NECAB1: variants seen among roughly 807,000 people sequenced by gnomAD.
NECAB1 encodes N-terminal EF-hand calcium-binding protein 1.
A neutral mutation model predicts 57.5 loss-of-function variants in NECAB1; 29 were observed. The observed-to-expected ratio is 0.50, with a 90% confidence interval of 0.38 to 0.69. NECAB1 has a LOEUF of 0.69. Among genes scored for constraint, NECAB1 ranks in the 30% least tolerant of loss-of-function variants. The pLI, the probability that NECAB1 is intolerant of heterozygous loss-of-function variation, is 0.00. For missense variants in NECAB1, 372 were observed against 413.8 expected, an observed-to-expected ratio of 0.90 and a Z score of 0.88; for synonymous variants, 142 against 147.7, an observed-to-expected ratio of 0.96 and a Z score of 0.28.
intron 5 of NECAB1, among the ~76,000 whole-genome samples, chr8:90,894,147 A>C (rs1322597470): frequency 6.6e-6 from 1 of 152,196 alleles, no homozygotes; most frequent in Non-Finnish European, 1.5e-5. Flanking sequence ...AAGTGGACAA[A>C]TAACATATTT....
chr8:90,804,588 A>G (rs532688974), intron 2 of NECAB1, among the ~76,000 whole-genome samples: 3 of 152,282 alleles, frequency 2.0e-5, no homozygotes, highest in South Asian at 2.1e-4. Flanking sequence ...TCCACATTGT[A>G]TTCAAAAATC....
chr8:90,804,582 C>T (rs1028895871), intron 2 of NECAB1, among the ~76,000 whole-genome samples: 1 of 151,896 alleles, frequency 6.6e-6, no homozygotes, highest in Non-Finnish European at 1.5e-5. Flanking sequence ...AATCTTTCCA[C>T]ATTGTATTCA....
chr8:90,912,613 A>G (rs976816783), intron 5 of NECAB1, among the ~76,000 whole-genome samples: 1 of 152,108 alleles, frequency 6.6e-6, no homozygotes, highest in Admixed American at 6.5e-5. Flanking sequence ...TTGCCATCTA[A>G]GGTTTGCAAA....
chr8:90,884,940 C>T (rs1264297179), intron 5 of NECAB1, among the ~76,000 whole-genome samples: 3 of 152,144 alleles, frequency 2.0e-5, no homozygotes, highest in African/African-American at 7.2e-5. Flanking sequence ...AAGGGGAACT[C>T]AATGCCTCTG....
At chr8:90,815,375 G>C (rs193274835) in intron 2 of NECAB1, among the ~76,000 whole-genome samples, 1 of 152,056 alleles carries the variant, frequency 6.6e-6, no homozygotes, top group East Asian at 1.9e-4. Context: ...ATTCTATCCT[G>C]AGATTCCCTG....
intron 3 of NECAB1, among the ~76,000 whole-genome samples, chr8:90,861,902 T>A (rs1373542132): frequency 6.6e-6 from 1 of 152,124 alleles, no homozygotes; most frequent in African/African-American, 2.4e-5. Context: ...TGAAACATGA[T>A]AGTAATACCT....
intron 5 of NECAB1, among the ~76,000 whole-genome samples, chr8:90,906,215 C>A (rs1809642069): frequency 6.6e-6 from 1 of 152,160 alleles, no homozygotes; most frequent in Non-Finnish European, 1.5e-5. Flanking sequence ...GTGAGTTAAT[C>A]TCTCAGTTTT....
At chr8:90,904,265 CAA>C (rs5893144) in intron 5 of NECAB1, among the ~76,000 whole-genome samples, 6 of 147,306 alleles carry the variant, frequency 4.1e-5, no homozygotes, top group Admixed American at 6.7e-5. Flanking sequence ...GTACTGAAAG[CAA>C]AAAAAAAAAT....
Position 90,940,815 on chromosome 8 carries a change from T to G in NECAB1, c.777T>G (p.Ser259=), listed in dbSNP as rs1452886154. 1.3e-6 allele frequency: 2 copies of G among 1,563,094 alleles called. No individual in the cohort carries two copies. Among genetic ancestry groups the G allele is most frequent in the Admixed American group, 1.9e-5 (1 of 52,516 alleles). The part of the protein sequence containing the change: ...SHIMLVQRQM[S]VIEEDLEEFQ... ...TCATGCTTGTGCAGCGGCAGATGTCTGTGATAGAAGAGGACCTGGAAGAAT... is the reference window on the plus strand; with the variant it reads ...TCATGCTTGTGCAGCGGCAGATGTCGGTGATAGAAGAGGACCTGGAAGAAT... The change falls in exon 10 of 13, where the codon TCT becomes TCG. Residue 259 remains serine (S), a synonymous_variant. Coordinates refer to ENST00000417640, the MANE Select transcript of NECAB1 (RefSeq NM_022351.5).
Position 90,956,943 on chromosome 8 carries a change from C to CGAGT in NECAB1, c.*1432_*1433insAGTG. 7.0e-6 allele frequency: 1 copy of CGAGT among 143,452 alleles called. No individual in the cohort carries two copies. The highest frequency in any genetic ancestry group is 2.1e-4 in the East Asian group (1 of 4,814). The allele number at this position is 143,452 out of a possible 1,614,324, so 8.9% of individuals were successfully genotyped here. A position where few individuals can be genotyped will look rare whatever the true frequency, so the allele number is the denominator to read the frequency against. ...AATTTTGATATATTGTACATACACA[C>CGAGT]GTGTGTGTGTGTGTGTGTGTGTGTG... On this transcript the variant is annotated 3_prime_UTR_variant, in exon 13 of 13. Coordinates refer to ENST00000417640, the MANE Select transcript of NECAB1 (RefSeq NM_022351.5).
At chr8:90,883,045 T>A (rs1808881578) in intron 5 of NECAB1, among the ~76,000 whole-genome samples, 1 of 152,168 alleles carries the variant, frequency 6.6e-6, no homozygotes, top group Non-Finnish European at 1.5e-5. Flanking sequence ...ATAATCTTCT[T>A]TATTTCCTCA....
At chr8:90,942,388 A>T (rs1476271316) in intron 10 of NECAB1, among the ~76,000 whole-genome samples, 1 of 152,216 alleles carries the variant, frequency 6.6e-6, no homozygotes, top group African/African-American at 2.4e-5. Flanking sequence ...CTAACAGCTC[A>T]TCATCTTCCA....
intron 12 of NECAB1, among the ~76,000 whole-genome samples, chr8:90,953,692 T>C (rs954957258): frequency 2.6e-5 from 4 of 152,166 alleles, no homozygotes; most frequent in Non-Finnish European, 4.4e-5. Context: ...TATTTATGGG[T>C]TTTAATGGCC....
chr8:90,955,559 T>C lies in NECAB1; in HGVS notation c.*47T>C, dbSNP rs1475184157. 6.9e-7 allele frequency: 1 copy of C among 1,445,490 alleles called. No homozygotes were observed. Among genetic ancestry groups the C allele is most frequent in the Non-Finnish European group, 9.4e-7 (1 of 1,067,832 alleles). The allele number at this position is 1,445,490 out of a possible 1,614,324, so 89.5% of individuals were successfully genotyped here. ...ATGGTTCCAAGTGCAAAACAGGTGT[T>C]CTTATCTAAAACGTCAATTAGAAAA... On this transcript the variant is annotated 3_prime_UTR_variant, in exon 13 of 13. Transcript: ENST00000417640.
At chr8:90,928,145 G>A (rs938889339) in intron 7 of NECAB1, 78 bp from the exon 8 acceptor site, 7 of 1,096,808 alleles carry the variant, frequency 6.4e-6, no homozygotes, top group Non-Finnish European at 9.5e-6. Context: ...AGGGTTGAAG[G>A]AAAGCTCTGA....
intron 5 of NECAB1, among the ~76,000 whole-genome samples, chr8:90,889,960 A>AGTGT (rs35492530): frequency 1.1e-3 from 167 of 151,280 alleles, no homozygotes; most frequent in African/African-American, 3.2e-3. Context: ...TGTGTGTGTG[A>AGTGT]GTGTGTGTGT....
chr8:90,836,763 A>T (rs1457254265), intron 3 of NECAB1, among the ~76,000 whole-genome samples: 1 of 152,250 alleles, frequency 6.6e-6, no homozygotes, highest in Non-Finnish European at 1.5e-5. Context: ...TCATTTATTT[A>T]TTCAACAAGC....
chr8:90,808,640 CTTT>C (rs200075536), intron 2 of NECAB1, among the ~76,000 whole-genome samples: 280 of 81,278 alleles, frequency 3.4e-3, no homozygotes, highest in African/African-American at 0.013. Context: ...TTTTTCTTTT[CTTT>C]TTTTTTTTTT....
At chr8:90,859,867 T>C (rs184851661) in intron 3 of NECAB1, among the ~76,000 whole-genome samples, 17 of 152,252 alleles carry the variant, frequency 1.1e-4, no homozygotes, top group South Asian at 4.1e-4. Context: ...AAAATAAAGA[T>C]AGTATTATCA....
Sources: gnomAD v4.1 joint callset for allele counts (sites outside exome capture counted in the v4.1 genomes callset) on GRCh38, gnomAD v4.1.1 for gene constraint, MANE v1.5 for transcripts, NCBI Gene and HGNC (gene_info 2026-07-23, HGNC 2026-07-21) for gene names.